Variants in ITGB5 observed in about 807,000 individuals in gnomAD.
ITGB5 encodes the protein integrin beta-5.
ITGB5 carries 38 observed loss-of-function variants against 84.8 expected under a neutral mutation model. The observed-to-expected ratio is 0.45, with a 90% CI of 0.35 to 0.59. ITGB5 has a LOEUF of 0.59. ITGB5 is among the 20% of genes least tolerant of loss of function. The pLI is 0.01. For missense variants in ITGB5, 905 were observed against 1,034.5 expected (o/e 0.87, Z 1.72); for synonymous variants, 393 against 414.4 (o/e 0.95, Z 0.63).
intron 1 of ITGB5, among the ~76,000 whole-genome samples, chr3:124,883,773 C>T (rs1172909470): frequency 1.3e-5 from 2 of 152,218 alleles, no homozygotes; most frequent in African/African-American, 4.8e-5. Flanking sequence ...CGGTGTTCCT[C>T]TCTCTGTCTT....
Position 124,823,432 on chromosome 3 carries a change from C to T in ITGB5, c.781-1958G>A, listed in dbSNP as rs182353476. On this transcript the variant is annotated intron_variant, in intron 5 of 14. Coordinates refer to ENST00000296181, the MANE Select transcript of ITGB5 (RefSeq NM_002213.5). ...GAAGAGGCCAGACACATTTTAGGAA[C>T]CTGGAGTGAGAAGCCTAGAAGGTCC... Among the ~76,000 whole-genome samples the T allele has an allele frequency of 9.2e-4, 139 of 151,786 alleles. 2 individuals are homozygous for T. The highest frequency in any genetic ancestry group is 5.4e-3 in the Admixed American group (82 of 15,254).
At chr3:124,806,841 G>A (rs1421165466) in intron 9 of ITGB5, among the ~76,000 whole-genome samples, 1 of 150,984 alleles carries the variant, frequency 6.6e-6, no homozygotes, top group African/African-American at 2.4e-5. Context: ...TATAATGGAT[G>A]AAAACAACAT....
At chr3:124,886,620 T>G (rs1349731997) in intron 1 of ITGB5, among the ~76,000 whole-genome samples, 1 of 151,794 alleles carries the variant, frequency 6.6e-6, no homozygotes, top group African/African-American at 2.4e-5. Flanking sequence ...AAGGCAGGGC[T>G]GGCGGCGGTC....
chr3:124,835,675 G>C (rs573213071), intron 5 of ITGB5, among the ~76,000 whole-genome samples: 2 of 152,212 alleles, frequency 1.3e-5, no homozygotes, highest in African/African-American at 4.8e-5. Flanking sequence ...TTTGAGGAGT[G>C]GGGGGATGCC....
chr3:124,874,307 A>G (rs1383170491), intron 1 of ITGB5, among the ~76,000 whole-genome samples: 1 of 10,454 alleles, frequency 9.6e-5, no homozygotes, highest in Non-Finnish European at 2.3e-4. Flanking sequence ...CAAAAGCCGG[A>G]AAAAAAAAAA....
At chr3:124,886,058 C>T (rs1322031102) in intron 1 of ITGB5, among the ~76,000 whole-genome samples, 3 of 152,154 alleles carry the variant, frequency 2.0e-5, no homozygotes, top group Non-Finnish European at 2.9e-5. Context: ...CTCCAAACTA[C>T]CACGTCCAAT....
intron 5 of ITGB5, among the ~76,000 whole-genome samples, chr3:124,836,619 GC>G (rs1009314000): frequency 2.0e-5 from 3 of 152,084 alleles, no homozygotes; most frequent in Non-Finnish European, 4.4e-5. Flanking sequence ...CTTACTAAAT[GC>G]AATTAGTCCC....
chr3:124,847,546 A>C (rs962516102), intron 4 of ITGB5, among the ~76,000 whole-genome samples: 3 of 152,210 alleles, frequency 2.0e-5, no homozygotes, highest in Admixed American at 2.0e-4. Context: ...GGCATGGCAA[A>C]GGCCTATCCT....
At chr3:124,834,273 A>C (rs1454825485) in intron 5 of ITGB5, among the ~76,000 whole-genome samples, 2 of 152,126 alleles carry the variant, frequency 1.3e-5, no homozygotes, top group African/African-American at 4.8e-5. Context: ...TGTAACAAAT[A>C]TACCACACTG....
chr3:124,804,146 T>C (rs2064358327), intron 9 of ITGB5, among the ~76,000 whole-genome samples: 1 of 152,246 alleles, frequency 6.6e-6, no homozygotes, highest in Non-Finnish European at 1.5e-5. Flanking sequence ...CTTTACAATC[T>C]TTCTGCTGAC....
rs1389549494 is a variant in ITGB5 at position 124,848,461 on chromosome 3, G to A, written c.459C>T (p.Asp153=). The A allele has an allele frequency of 9.3e-6, 15 of 1,614,208 alleles. No homozygotes were observed. Among genetic ancestry groups the A allele is most frequent in the Non-Finnish European group, 1.3e-5 (15 of 1,180,042 alleles). ...LMDLSLSMKD[D]LDNIRSLGTK... ...TGCCCAGGCTCCGGATATTGTCCAA[G>A]TCATCCTTCATGGACAGGGAGAGGT... Residue 153 remains aspartate (D), a synonymous_variant, in exon 4 of 15, where the codon GAC becomes GAT. Coordinates refer to ENST00000296181, the MANE Select transcript of ITGB5 (RefSeq NM_002213.5).
intron 5 of ITGB5, among the ~76,000 whole-genome samples, chr3:124,822,044 T>C (rs2107561610): frequency 6.6e-6 from 1 of 152,022 alleles, no homozygotes; most frequent in Non-Finnish European, 1.5e-5. Flanking sequence ...ACCATTCCAA[T>C]TGTTATTTGA....
chr3:124,844,709 G>A (rs1370561783), intron 4 of ITGB5, among the ~76,000 whole-genome samples: 1 of 152,120 alleles, frequency 6.6e-6, no homozygotes, highest in East Asian at 1.9e-4. Flanking sequence ...ACTGGAATAG[G>A]GCTGTCTGCA....
intron 8 of ITGB5, among the ~76,000 whole-genome samples, chr3:124,812,739 A>G (rs1414747438): frequency 6.6e-6 from 1 of 152,132 alleles, no homozygotes. Context: ...TATAAATCCA[A>G]CTTGATTTCA....
rs757572201 is a variant in ITGB5, at chr3:124,796,463, A to T, written c.1618T>A (p.Phe540Ile). The T allele has an allele frequency of 1.2e-6, 2 of 1,614,140 alleles. No homozygotes were observed. Among genetic ancestry groups the T allele is most frequent in the Admixed American group, 1.7e-5 (1 of 60,020 alleles). ...CNQCSCFESE[F>I]GKIYGPFCEC... ...CAGAAAGGCCCATAGATCTTGCCAA[A>T]CTCGCTCTCGAAGCAGGAGCACTGG... The change falls in exon 10 of 15, where the codon TTT becomes ATT. Residue 540 changes from phenylalanine to isoleucine, a missense_variant. Physicochemically the swap from Phe to Ile is conservative, Grantham distance 21 (BLOSUM62 0). Coordinates refer to ENST00000296181, the MANE Select transcript of ITGB5 (RefSeq NM_002213.5).
At chr3:124,819,669 C>G (rs1330326783) in intron 7 of ITGB5, 70 bp downstream of exon 7, 8 of 1,082,902 alleles carry the variant, frequency 7.4e-6, no homozygotes, top group Non-Finnish European at 1.2e-5. Flanking sequence ...CCCAGATAGG[C>G]AGAGTTGTAA....
chr3:124,865,685 A>C (rs1285952433), intron 2 of ITGB5, among the ~76,000 whole-genome samples: 1 of 151,820 alleles, frequency 6.6e-6, no homozygotes, highest in East Asian at 1.9e-4. Context: ...ACCAGGTCTC[A>C]CTATGTTGCC....
At chr3:124,814,949 G>C (rs1441035332) in intron 8 of ITGB5, among the ~76,000 whole-genome samples, 1 of 151,972 alleles carries the variant, frequency 6.6e-6, no homozygotes, top group Non-Finnish European at 1.5e-5. Context: ...ACTCACCCCT[G>C]CTCCCCACTC....
At chr3:124,871,182 C>A (rs765565133) in intron 2 of ITGB5, among the ~76,000 whole-genome samples, 1 of 151,756 alleles carries the variant, frequency 6.6e-6, no homozygotes, top group African/African-American at 2.4e-5. Flanking sequence ...TGAGCCACTG[C>A]ACACCAGGCC....
Sources: gnomAD v4.1 joint callset for allele counts (sites outside exome capture counted in the v4.1 genomes callset) on GRCh38, gnomAD v4.1.1 for gene constraint, MANE v1.5 for transcripts, NCBI Gene and HGNC (gene_info 2026-07-23, HGNC 2026-07-21) for gene names.